Variants in SLIT3 observed in about 807,000 individuals in gnomAD.
The protein encoded by SLIT3 is slit guidance ligand 3.
A neutral mutation model predicts 184.0 loss-of-function variants in SLIT3; 68 were observed. That is an observed-to-expected ratio of 0.37 (90% CI 0.30 to 0.45). The LOEUF (loss-of-function observed/expected upper bound fraction) is 0.45. Among genes scored for constraint, SLIT3 ranks in the 20% least tolerant of loss-of-function variants. SLIT3 has a pLI of 1.00. For missense variants in SLIT3, 1,707 were observed against 2,026.0 expected (o/e 0.84, Z 3.02); for synonymous variants, 831 against 828.6 (o/e 1.00, Z -0.05).
At chr5:168,923,440 G>A (rs1389725580) in intron 4 of SLIT3, among the ~76,000 whole-genome samples, 1 of 151,606 alleles carries the variant, frequency 6.6e-6, no homozygotes, top group Non-Finnish European at 1.5e-5. Context: ...TCTGCTTCCT[G>A]ACAATTACCT....
At chr5:169,150,064 C>G (rs1581461476) in intron 4 of SLIT3, among the ~76,000 whole-genome samples, 1 of 152,274 alleles carries the variant, frequency 6.6e-6, no homozygotes, top group East Asian at 1.9e-4. Context: ...GATGCCAAAA[C>G]CAGGCTCTTC....
chr5:168,910,371 T>A (rs1425737895), intron 4 of SLIT3, among the ~76,000 whole-genome samples: 1 of 152,206 alleles, frequency 6.6e-6, no homozygotes, highest in Non-Finnish European at 1.5e-5. Context: ...CAAATTTACA[T>A]AATCACTTAC....
At chr5:169,215,239 C>T (rs1764397106) in intron 3 of SLIT3, among the ~76,000 whole-genome samples, 1 of 152,100 alleles carries the variant, frequency 6.6e-6, no homozygotes, top group African/African-American at 2.4e-5. Context: ...CACTCTCTCA[C>T]CTCTGGGCCT....
chr5:169,105,705 G>A (rs1477503521), intron 4 of SLIT3, among the ~76,000 whole-genome samples: 2 of 152,228 alleles, frequency 1.3e-5, no homozygotes, highest in Non-Finnish European at 2.9e-5. Context: ...AGAACATGCA[G>A]TGTTTGGTTT....
At chr5:168,903,528 C>A (rs1199274943) in intron 4 of SLIT3, among the ~76,000 whole-genome samples, 1 of 152,146 alleles carries the variant, frequency 6.6e-6, no homozygotes, top group Non-Finnish European at 1.5e-5. Context: ...AGGGCATGAC[C>A]CCTGACTTGC....
chr5:168,927,417 T>C (rs762290091), intron 4 of SLIT3, among the ~76,000 whole-genome samples: 4 of 152,132 alleles, frequency 2.6e-5, no homozygotes, highest in Non-Finnish European at 4.4e-5. Flanking sequence ...TTTTGCAAGA[T>C]GAAAAGGGTT....
intron 4 of SLIT3, among the ~76,000 whole-genome samples, chr5:168,985,675 G>A (rs62378597): frequency 0.023 from 3,568 of 152,280 alleles, 58 homozygotes; most frequent in Non-Finnish European, 0.035. Context: ...TGTAGCCAAT[G>A]GGAGCAGATG....
At chr5:168,991,050 T>C (rs78318105) in intron 4 of SLIT3, among the ~76,000 whole-genome samples, 1,700 of 152,274 alleles carry the variant, frequency 0.011, 32 homozygotes, top group African/African-American at 0.039. Context: ...TAAAGGAATT[T>C]ATCTGACATC....
intron 31 of SLIT3, 47 bp from the exon 32 acceptor site, chr5:168,684,143 G>T: frequency 6.7e-7 from 1 of 1,493,370 alleles, no homozygotes. Context: ...ACCTGAGACT[G>T]AACCTTCCCT....
At chr5:168,857,041 C>T (rs1221153730) in intron 5 of SLIT3, among the ~76,000 whole-genome samples, 2 of 151,970 alleles carry the variant, frequency 1.3e-5, no homozygotes, top group African/African-American at 4.8e-5. Flanking sequence ...TAAATTCTCC[C>T]AGGACTCTCG....
rs1411235359 is a variant in SLIT3 at position 168,749,647 on chromosome 5, G to T, written c.1974-12C>A. The T allele has an allele frequency of 6.2e-7, 1 of 1,614,046 alleles. No homozygotes were observed. The highest frequency in any genetic ancestry group is 1.1e-5 in the South Asian group (1 of 91,080). On this transcript the variant is annotated splice_polypyrimidine_tract_variant and intron_variant, in intron 18 of 35. Coordinates refer to ENST00000519560, the MANE Select transcript of SLIT3 (RefSeq NM_003062.4). Reference sequence around the variant, plus strand: ...TGGACAGGAGGTTTCTAGGAAGAGAGAAGGGTGCTTAGCCTCCATCCTTCT... The same window carrying T: ...TGGACAGGAGGTTTCTAGGAAGAGATAAGGGTGCTTAGCCTCCATCCTTCT...
chr5:169,213,267 G>T (rs926180824), intron 3 of SLIT3, among the ~76,000 whole-genome samples: 2 of 134,290 alleles, frequency 1.5e-5, no homozygotes, highest in East Asian at 7.6e-4. Context: ...GGTTGTGAAG[G>T]CCCTCTTCAA....
intron 29 of SLIT3, among the ~76,000 whole-genome samples, chr5:168,688,414 C>T (rs1045652794): frequency 1.3e-5 from 2 of 152,114 alleles, no homozygotes; most frequent in African/African-American, 4.8e-5. Context: ...GATGGTTCTC[C>T]CTCATCCCTC....
chr5:169,091,745 C>T (rs561061991), intron 4 of SLIT3, among the ~76,000 whole-genome samples: 6 of 152,298 alleles, frequency 3.9e-5, no homozygotes, highest in Admixed American at 6.5e-5. Context: ...TGCAAGCAGA[C>T]GTGTGCAAAG....
At chr5:169,297,275 C>T (rs1363213424) in intron 1 of SLIT3, among the ~76,000 whole-genome samples, 2 of 152,170 alleles carry the variant, frequency 1.3e-5, no homozygotes, top group African/African-American at 2.4e-5. Context: ...TCTTTTTCTG[C>T]GTGATGTTCT....
At chr5:168,938,732 G>A (rs1043573934) in intron 4 of SLIT3, among the ~76,000 whole-genome samples, 1 of 152,132 alleles carries the variant, frequency 6.6e-6, no homozygotes, top group Admixed American at 6.5e-5. Context: ...CCGGGTTCAA[G>A]CGATTCTCCC....
intron 4 of SLIT3, among the ~76,000 whole-genome samples, chr5:168,981,121 G>T (rs773341017): frequency 8.5e-5 from 13 of 152,106 alleles, no homozygotes; most frequent in Non-Finnish European, 1.6e-4. Flanking sequence ...CATGCAAGGC[G>T]CTATTTAGAA....
At chr5:169,277,115 T>C (rs573766415) in intron 1 of SLIT3, among the ~76,000 whole-genome samples, 1 of 152,350 alleles carries the variant, frequency 6.6e-6, no homozygotes, top group African/African-American at 2.4e-5. Flanking sequence ...TTTATGTCTT[T>C]ATAAATTTGC....
chr5:168,710,451 T>C (rs2113318160), intron 25 of SLIT3, among the ~76,000 whole-genome samples: 1 of 152,206 alleles, frequency 6.6e-6, no homozygotes, highest in Admixed American at 6.5e-5. Context: ...TAATGTTGGA[T>C]TAAAAAATGC....
Sources: gnomAD v4.1 joint callset for allele counts (sites outside exome capture counted in the v4.1 genomes callset) on GRCh38, gnomAD v4.1.1 for gene constraint, MANE v1.5 for transcripts, NCBI Gene and HGNC (gene_info 2026-07-23, HGNC 2026-07-21) for gene names.